TMTC1: variants seen among roughly 807,000 people sequenced by gnomAD.
The protein encoded by TMTC1 is protein O-mannosyl-transferase TMTC1.
TMTC1 carries 73 observed loss-of-function variants against 104.8 expected under a neutral mutation model. The observed-to-expected ratio is 0.70, with a 90% confidence interval of 0.58 to 0.85. The LOEUF is 0.85. Ranked by LOEUF, TMTC1 falls within the 40% of genes least tolerant of loss-of-function variation. TMTC1 has a pLI of 0.00. For missense variants in TMTC1, 1,035 were observed against 1,096.1 expected (o/e 0.94, Z 0.79); for synonymous variants, 434 against 428.7 (o/e 1.01, Z -0.15).
At chr12:29,555,309 T>A (rs1417194058) in intron 10 of TMTC1, among the ~76,000 whole-genome samples, 1 of 151,564 alleles carries the variant, frequency 6.6e-6, no homozygotes, top group African/African-American at 2.4e-5. Flanking sequence ...GGTAATTTTT[T>A]TTTATTTTTT....
intron 5 of TMTC1, among the ~76,000 whole-genome samples, chr12:29,649,357 A>G (rs879875002): frequency 6.6e-6 from 1 of 152,242 alleles, no homozygotes; most frequent in Non-Finnish European, 1.5e-5. Context: ...AGCAACTACA[A>G]AGAAGATAAT....
chr12:29,626,871 C>A (rs748652617), intron 6 of TMTC1, among the ~76,000 whole-genome samples: 1 of 152,132 alleles, frequency 6.6e-6, no homozygotes, highest in Non-Finnish European at 1.5e-5. Context: ...GAGGCCATGG[C>A]AGGTGGATCA....
intron 5 of TMTC1, among the ~76,000 whole-genome samples, chr12:29,734,578 T>C (rs1053263063): frequency 1.1e-4 from 16 of 152,188 alleles, no homozygotes; most frequent in African/African-American, 3.4e-4. Flanking sequence ...TAGACACAGA[T>C]AGATCCACAT....
chr12:29,564,157 G>A (rs1158366884), intron 9 of TMTC1, among the ~76,000 whole-genome samples: 5 of 152,184 alleles, frequency 3.3e-5, no homozygotes, highest in African/African-American at 7.2e-5. Context: ...GGAAAATAAA[G>A]GACAAGGAGC....
chr12:29,656,337 TATACACAC>T (rs1257484531), intron 5 of TMTC1, among the ~76,000 whole-genome samples: 1 of 149,458 alleles, frequency 6.7e-6, no homozygotes, highest in Non-Finnish European at 1.5e-5. Flanking sequence ...TATATATATA[TATACACAC>T]ATACACATAT....
At chr12:29,683,914 G>T (rs1410533535) in intron 5 of TMTC1, among the ~76,000 whole-genome samples, 1 of 151,736 alleles carries the variant, frequency 6.6e-6, no homozygotes, top group Non-Finnish European at 1.5e-5. Flanking sequence ...TATGATCTCG[G>T]CTCACTGCAA....
chr12:29,717,693 C>T (rs1942123384), intron 5 of TMTC1, among the ~76,000 whole-genome samples: 1 of 152,104 alleles, frequency 6.6e-6, no homozygotes, highest in Non-Finnish European at 1.5e-5. Flanking sequence ...GATATGAGGT[C>T]ATACTATTCC....
At chr12:29,763,523 G>A (rs748320964) in intron 2 of TMTC1, among the ~76,000 whole-genome samples, 9 of 152,190 alleles carry the variant, frequency 5.9e-5, no homozygotes, top group Non-Finnish European at 7.3e-5. Flanking sequence ...TACATCCTGT[G>A]CCAGTTGGAA....
At chr12:29,655,013 A>G (rs887360881) in intron 5 of TMTC1, among the ~76,000 whole-genome samples, 6 of 152,100 alleles carry the variant, frequency 3.9e-5, no homozygotes, top group African/African-American at 7.2e-5. Flanking sequence ...CCTCCTGAGT[A>G]GCTTGGATTA....
At chr12:29,668,421 A>G (rs1940366877) in intron 5 of TMTC1, among the ~76,000 whole-genome samples, 1 of 149,908 alleles carries the variant, frequency 6.7e-6, no homozygotes, top group African/African-American at 2.5e-5. Context: ...CAAATTTTGG[A>G]AGGGATTCCA....
At chr12:29,772,268 C>T (rs561395650) in intron 1 of TMTC1, among the ~76,000 whole-genome samples, 117 of 152,292 alleles carry the variant, frequency 7.7e-4, no homozygotes, top group African/African-American at 2.6e-3. Context: ...GTGCCCATCT[C>T]GAGAGGACAA....
chr12:29,755,381 A>G (rs1484157531), intron 4 of TMTC1, among the ~76,000 whole-genome samples: 2 of 152,184 alleles, frequency 1.3e-5, no homozygotes, highest in East Asian at 3.9e-4. Flanking sequence ...TGCAATCACT[A>G]TTTTTATGAA....
At chr12:29,633,031 A>G (rs1938375644) in intron 6 of TMTC1, 116 bp downstream of exon 6, 2 of 941,124 alleles carry the variant, frequency 2.1e-6, no homozygotes, top group Non-Finnish European at 3.1e-6. Flanking sequence ...AAAAATTTAC[A>G]TAGACAAGGA....
At chr12:29,754,435 C>T (rs1943167358) in intron 4 of TMTC1, among the ~76,000 whole-genome samples, 1 of 152,138 alleles carries the variant, frequency 6.6e-6, no homozygotes, top group South Asian at 2.1e-4. Context: ...CTGGACTGGA[C>T]CACGTGAGAG....
At chr12:29,651,703 A>T (rs1021918942) in intron 5 of TMTC1, among the ~76,000 whole-genome samples, 5 of 152,220 alleles carry the variant, frequency 3.3e-5, no homozygotes, top group Non-Finnish European at 5.9e-5. Flanking sequence ...AGAGCTTGCT[A>T]TTACCTTAGC....
intron 5 of TMTC1, among the ~76,000 whole-genome samples, chr12:29,707,886 G>A (rs1326393157): frequency 6.6e-6 from 1 of 152,150 alleles, no homozygotes; most frequent in African/African-American, 2.4e-5. Context: ...GGTCTTTGAG[G>A]CTGGAGAGCC....
At chr12:29,545,751 T>C (rs189766948) in intron 10 of TMTC1, among the ~76,000 whole-genome samples, 19 of 152,178 alleles carry the variant, frequency 1.2e-4, no homozygotes, top group Middle Eastern at 3.4e-3. Flanking sequence ...ATGCATTATC[T>C]ACTTCTGATT....
intron 5 of TMTC1, chr12:29,666,338 C>CT (rs916048692): frequency 8.4e-6 from 3 of 358,264 alleles, no homozygotes; most frequent in African/African-American, 4.5e-5. Context: ...TGCCATTTTC[C>CT]TGCCTCAGCC....
In TMTC1 at chr12:29,768,196, G is replaced by C. The variant is rs965801933; in HGVS notation, c.303-121C>G. 6.4e-6 allele frequency: 5 copies of C among 776,880 alleles called. No homozygotes were observed. In the Admixed American group the frequency reaches 1.5e-4, roughly 24 times the overall value. The allele number at this position is 776,880 out of a possible 1,614,324, so 48.1% of individuals were successfully genotyped here. The stretch of plus-strand genomic sequence containing the variant: ...GCTATTAGATTAATGATTTTTAAAT[G>C]ATTCCCAACATTGGGTTATTTTTTA... On this transcript the variant is annotated intron_variant, in intron 1 of 17. Transcript: ENST00000539277.
Sources: gnomAD v4.1 joint callset for allele counts (sites outside exome capture counted in the v4.1 genomes callset) on GRCh38, gnomAD v4.1.1 for gene constraint, MANE v1.5 for transcripts, NCBI Gene and HGNC (gene_info 2026-07-23, HGNC 2026-07-21) for gene names.